The following NUDT17 variants were observed in gnomAD, a reference collection of about 807,000 sequenced individuals.
NUDT17 encodes the protein m7GpppN-mRNA hydrolase NUDT17.
In NUDT17, 38 loss-of-function variants were observed where a neutral mutation model predicts 38.6. The observed-to-expected ratio is 0.98, with a 90% CI of 0.76 to 1.29. The LOEUF is 1.29. NUDT17 is among the 50% of genes most tolerant of loss of function. NUDT17 has a pLI of 0.00. For missense variants in NUDT17, 462 were observed against 415.2 expected (o/e 1.11, Z -0.98); for synonymous variants, 192 against 167.8 (o/e 1.14, Z -1.11).
At chr1:145,846,576 A>T in intron 3 of NUDT17, 22 bp from the exon 4 acceptor site, 1 of 1,611,762 alleles carries the variant, frequency 6.2e-7, no homozygotes, top group Non-Finnish European at 8.5e-7. Context: ...GGCCCCTCTG[A>T]TGTGTCTTCT....
intron 5 of NUDT17, 45 bp from the exon 6 acceptor site, chr1:145,847,538 C>G (rs370441791): frequency 5.0e-6 from 8 of 1,607,492 alleles, no homozygotes; most frequent in African/African-American, 1.3e-5. Flanking sequence ...GAACAGGCAG[C>G]CCAGGGAGAG....
Position 145,848,160 on chromosome 1 carries a change from C to A in NUDT17, c.780C>A (p.His260Gln). 1 of 1,614,198 alleles carries A rather than the reference C, an allele frequency of 6.2e-7. No homozygotes were observed. Among genetic ancestry groups the A allele is most frequent in the Non-Finnish European group, 8.5e-7 (1 of 1,180,016 alleles). The change falls in exon 7 of 8, where the codon CAC becomes CAA. Residue 260 changes from histidine (H) to glutamine (Q), a missense_variant. Coordinates refer to ENST00000334513, the MANE Select transcript of NUDT17 (RefSeq NM_001012758.3). ...EDGRARPLVL[H>Q]MSTLLRMIPT... is the part of the protein sequence containing the mutation. ...GAAGAGCCCGACCTCTGGTCCTGCACATGTCCACCCTCCTGCGGATGATCC... is the reference window on the plus strand; with the variant it reads ...GAAGAGCCCGACCTCTGGTCCTGCAAATGTCCACCCTCCTGCGGATGATCC...
chr1:145,846,575 G>C (rs782647479), intron 3 of NUDT17, 23 bp from the exon 4 acceptor site: 2 of 1,611,780 alleles, frequency 1.2e-6, no homozygotes, highest in Non-Finnish European at 1.7e-6. Flanking sequence ...TGGCCCCTCT[G>C]ATGTGTCTTC....
rs782613814 is a variant in NUDT17, at chr1:145,845,702, G to C, written c.62G>C (p.Arg21Pro). 1 of 1,549,818 alleles carries C rather than the reference G, an allele frequency of 6.5e-7. No individual in the cohort carries two copies. Among genetic ancestry groups the C allele is most frequent in the Non-Finnish European group, 8.7e-7 (1 of 1,145,810 alleles). ...CGTCCGGAGTCGGTGAGCTTCGCACGGAGTGTGTGTGGCCTCCTGGGAGCC... is the reference window on the plus strand; with the variant it reads ...CGTCCGGAGTCGGTGAGCTTCGCACCGAGTGTGTGTGGCCTCCTGGGAGCC... ...SRRPESVSFA[R>P]SVCGLLGAGP... The change falls in exon 1 of 8, where the codon CGG (arginine) becomes CCG (proline). Residue 21 changes from arginine (R) to proline (P), a missense_variant. Physicochemically the swap from Arg to Pro is moderately radical, Grantham distance 103. Coordinates refer to ENST00000334513, the MANE Select transcript of NUDT17 (RefSeq NM_001012758.3).
At chr1:145,848,061 G>A in intron 6 of NUDT17, 51 bp from the exon 7 acceptor site, 1 of 1,608,106 alleles carries the variant, frequency 6.2e-7, no homozygotes, top group Non-Finnish European at 8.5e-7. Flanking sequence ...ATATATGTAA[G>A]TTCTTTGTAA....
Position 145,848,381 on chromosome 1 carries a change from C to G in NUDT17, c.889C>G (p.Pro297Ala), listed in dbSNP as rs782564287. The G allele has an allele frequency of 3.1e-6, 5 of 1,613,110 alleles. No individual in the cohort carries two copies. The Admixed American group carries it at 8.3e-5, about 27-fold the overall frequency. Reference protein sequence around the residue: ...KLWLQHLGRTPPPCKSAAYLD... With the variant: ...KLWLQHLGRTAPPCKSAAYLD... ...TCTCTTGGAATTCCTCCACAGAACA[C>G]CCCCACCGTGTAAAAGTGCAGCTTA... is the stretch of plus-strand genomic sequence containing the variant. Residue 297 changes from proline to alanine, a missense_variant, in exon 8 of 8, where the codon CCC becomes GCC. By Grantham distance (27) the Pro-to-Ala change is conservative (BLOSUM62 -1). Coordinates refer to ENST00000334513, the MANE Select transcript of NUDT17 (RefSeq NM_001012758.3).
rs782530718 is a variant in NUDT17, at chr1:145,847,268, C to T, written c.514C>T (p.Leu172=). 1.1e-5 allele frequency: 17 copies of T among 1,607,094 alleles called. No homozygotes were observed. In the African/African-American group the frequency reaches 1.9e-4, roughly 18 times the overall value. ...GLWESAYPPR[L]SWGLPKYHHI... is the part of the protein sequence containing the mutation. ...TTCCTAGTCTGCCTACCCTCCTAGG[C>T]TGAGCTGGGGTTTACCCAAATACCA... Residue 172 remains leucine (L), a synonymous_variant, in exon 5 of 8, where the codon CTG becomes TTG. Coordinates refer to ENST00000334513, the MANE Select transcript of NUDT17 (RefSeq NM_001012758.3).
chr1:145,847,510 C>A (rs782529910), intron 5 of NUDT17, 73 bp from the exon 6 acceptor site: 6 of 1,581,214 alleles, frequency 3.8e-6, no homozygotes, highest in African/African-American at 1.3e-5. Flanking sequence ...ATGAAACCTG[C>A]GGGTAGGTTT....
rs1553732980 is a variant in NUDT17, at chr1:145,847,676, G to C, written c.688G>C (p.Glu230Gln). The change falls in exon 6 of 8, where the codon GAG becomes CAG. Residue 230 changes from glutamate (E) to glutamine (Q), a missense_variant. Glu to Gln is a conservative substitution (Grantham distance 29). Coordinates refer to ENST00000334513, the MANE Select transcript of NUDT17 (RefSeq NM_001012758.3). Reference sequence around the variant, plus strand: ...AGTGGCTGCCGCAGAGGATGGGACAGAGACACCCGGACTTCTCCCCCAGGA... The same window carrying C: ...AGTGGCTGCCGCAGAGGATGGGACACAGACACCCGGACTTCTCCCCCAGGA... Reference protein sequence around the residue: ...AAVAAAEDGTETPGLLPQDLP... With the variant: ...AAVAAAEDGTQTPGLLPQDLP... 6.2e-7 allele frequency: 1 copy of C among 1,614,114 alleles called. No homozygotes were observed. Among genetic ancestry groups the C allele is most frequent in the Non-Finnish European group, 8.5e-7 (1 of 1,180,014 alleles).
chr1:145,846,053 C>A lies in NUDT17; in HGVS notation c.233C>A (p.Pro78His), dbSNP rs1553732322. ...CCTTTTGCGGCCCTGGAGGAGCGGCCCAGGGTCCCTGGGGCTGAGCTGCCC... is the reference window on the plus strand; with the variant it reads ...CCTTTTGCGGCCCTGGAGGAGCGGCACAGGGTCCCTGGGGCTGAGCTGCCC... ...FCPFAALEERPRVPGAELPTD... is the reference protein window; with the variant it reads ...FCPFAALEERHRVPGAELPTD... Residue 78 changes from proline to histidine, a missense_variant, in exon 2 of 8, where the codon CCC (proline) becomes CAC (histidine). Transcript: ENST00000334513. 1 of 1,605,328 alleles carries A rather than the reference C, an allele frequency of 6.2e-7. No individual in the cohort carries two copies. Among genetic ancestry groups the A allele is most frequent in the Non-Finnish European group, 8.5e-7 (1 of 1,176,748 alleles).
Position 145,846,597 on chromosome 1 carries a change from G to A in NUDT17, c.403-1G>A. 1 of 1,614,084 alleles carries A rather than the reference G, an allele frequency of 6.2e-7. No individual in the cohort carries two copies. Among genetic ancestry groups the A allele is most frequent in the African/African-American group, 1.3e-5 (1 of 75,062 alleles). ...TCTGATGTGTCTTCTCTGACTCCCA[G>A]CTGCTGGACGGAGGGCTTCGAGAAC... On this transcript the variant is annotated splice_acceptor_variant, in intron 3 of 7. Transcript: ENST00000334513. LOFTEE classifies it high-confidence loss of function.
At position 145,847,698 on chromosome 1, in the gene NUDT17, A is replaced by G. The variant is rs1220923519; in HGVS notation, c.710A>G (p.Gln237Arg). 1 of 1,614,148 alleles carries G rather than the reference A, an allele frequency of 6.2e-7. No individual in the cohort carries two copies. Reference sequence around the variant, plus strand: ...ACAGAGACACCCGGACTTCTCCCCCAGGACCTACCACCCTCTGTCCTGTAA... The same window carrying G: ...ACAGAGACACCCGGACTTCTCCCCCGGGACCTACCACCCTCTGTCCTGTAA... ...DGTETPGLLP[Q>R]DLPPSVLAVE... Residue 237 changes from glutamine to arginine, a missense_variant, in exon 6 of 8, where the codon CAG becomes CGG. Coordinates refer to ENST00000334513, the MANE Select transcript of NUDT17 (RefSeq NM_001012758.3).
At chr1:145,846,302 G>A (rs1489648040) in intron 2 of NUDT17, 106 bp downstream of exon 2, 13 of 1,466,026 alleles carry the variant, frequency 8.9e-6, no homozygotes, top group Non-Finnish European at 1.1e-5. Context: ...CCCAAAATGT[G>A]GCATGTTCAT....
Position 145,845,787 on chromosome 1 carries a change from C to T in NUDT17, c.147C>T (p.Leu49=), listed in dbSNP as rs1553732137. The change falls in exon 1 of 8, where the codon CTC becomes CTT. Residue 49 remains leucine, a synonymous_variant. Coordinates refer to ENST00000334513, the MANE Select transcript of NUDT17 (RefSeq NM_001012758.3). The part of the protein sequence containing the change: ...HCSLKRGRLV[L]SSRPFPGASA... The stretch of plus-strand genomic sequence containing the variant: ...GCTTGAAGCGAGGACGGCTTGTCCT[C>T]TCGAGCAGGCCCTTCCCAGGCGCCT... 6.9e-6 allele frequency: 11 copies of T among 1,595,198 alleles called. No homozygotes were observed. The highest frequency in any genetic ancestry group is 2.6e-6 in the Non-Finnish European group (3 of 1,171,928).
chr1:145,846,322 G>A (rs1289225616), intron 2 of NUDT17, 111 bp from the exon 3 acceptor site: 2 of 1,469,612 alleles, frequency 1.4e-6, no homozygotes, highest in African/African-American at 2.8e-5. Flanking sequence ...TAGTCACAAG[G>A]GACTGCAACT....
chr1:145,847,437 CG>C, intron 5 of NUDT17, 89 bp downstream of exon 5: 3 of 580,016 alleles, frequency 5.2e-6, no homozygotes, highest in South Asian at 1.5e-5. Flanking sequence ...GCGGGGGTGG[CG>C]GGGGTAGTCA....
intron 4 of NUDT17, 45 bp downstream of exon 4, chr1:145,846,735 A>AC (rs1414312169): frequency 7.5e-7 from 1 of 1,332,398 alleles, no homozygotes; most frequent in Non-Finnish European, 1.1e-6. Flanking sequence ...ATCAGCCCCT[A>AC]CCTGCCTTGG....
chr1:145,847,511 G>A (rs781850730), intron 5 of NUDT17, 72 bp from the exon 6 acceptor site: 22 of 1,579,436 alleles, frequency 1.4e-5, no homozygotes, highest in East Asian at 1.4e-4. Context: ...TGAAACCTGC[G>A]GGTAGGTTTT....
In NUDT17 at chr1:145,846,076, C is replaced by A; in HGVS notation, c.256C>A (p.Pro86Thr). 1 of 1,605,278 alleles carries A rather than the reference C, an allele frequency of 6.2e-7. No individual in the cohort carries two copies. The highest frequency in any genetic ancestry group is 8.5e-7 in the Non-Finnish European group (1 of 1,176,640). Residue 86 changes from proline to threonine, a missense_variant, in exon 2 of 8, where the codon CCC becomes ACC. Transcript: ENST00000334513. ...GCCCAGGGTCCCTGGGGCTGAGCTG[C>A]CCACAGATCGAGGTGTGGACCTGGG... ...ERPRVPGAEL[P>T]TDRGVDLGVA... is the part of the protein sequence containing the mutation.
Sources: allele counts gnomAD v4.1 joint callset, GRCh38; gene constraint gnomAD v4.1.1; transcripts MANE v1.5; gene names NCBI Gene and HGNC (gene_info 2026-07-23, HGNC 2026-07-21).